CRYBG3: variants seen among roughly 807,000 people sequenced by gnomAD.
CRYBG3 encodes the protein crystallin beta-gamma domain containing 3.
In CRYBG3, 127 loss-of-function variants were observed where a neutral mutation model predicts 244.2. The observed-to-expected ratio is 0.52, with a 90% CI of 0.45 to 0.60. The LOEUF (loss-of-function observed/expected upper bound fraction) is 0.60, where lower values mean the gene tolerates loss of function less well. CRYBG3 is among the 20% of genes least tolerant of loss of function. The probability of loss-of-function intolerance (pLI) is 0.00; values close to 1 mark genes in which losing one functional copy is unlikely to be tolerated. For synonymous variants in CRYBG3, 1,132 were observed against 1,195.8 expected (o/e 0.95, Z 1.10); for missense variants, 3,325 against 3,442.5 (o/e 0.97, Z 0.85).
At chr3:97,924,672 C>G (rs780416368) in intron 17 of CRYBG3, among the ~76,000 whole-genome samples, 3 of 152,102 alleles carry the variant, frequency 2.0e-5, no homozygotes, top group South Asian at 2.1e-4. Context: ...CAAAGTGCAT[C>G]ACTCTAGTCT....
intron 2 of CRYBG3, among the ~76,000 whole-genome samples, chr3:97,857,681 A>G (rs1460740386): frequency 6.6e-6 from 1 of 151,834 alleles, no homozygotes. Context: ...GTCTTTTTCC[A>G]TCCATTTACT....
At chr3:97,921,637 ATGGTAATT>A (rs1486115927) in intron 17 of CRYBG3, among the ~76,000 whole-genome samples, 2 of 152,166 alleles carry the variant, frequency 1.3e-5, no homozygotes, top group Non-Finnish European at 2.9e-5. Flanking sequence ...AGTTGAAAAA[ATGGTAATT>A]TCCAGCTGCT....
At chr3:97,914,893 T>C (rs1391665) in intron 16 of CRYBG3, among the ~76,000 whole-genome samples, 67,477 of 151,986 alleles carry the variant, frequency 0.44, 16,201 homozygotes, top group East Asian at 0.67. Context: ...ACTAAATTAG[T>C]AACAGCCATT....
At chr3:97,934,712 G>A (rs946798124) in intron 18 of CRYBG3, among the ~76,000 whole-genome samples, 1 of 151,924 alleles carries the variant, frequency 6.6e-6, no homozygotes, top group Non-Finnish European at 1.5e-5. Flanking sequence ...AATAGCTTAA[G>A]TTTTCTTCTG....
chr3:97,832,430 C>A (rs2038667178), intron 1 of CRYBG3, among the ~76,000 whole-genome samples: 1 of 152,134 alleles, frequency 6.6e-6, no homozygotes, highest in South Asian at 2.1e-4. Context: ...CTACAACCAT[C>A]TGATCATTCA....
intron 2 of CRYBG3, among the ~76,000 whole-genome samples, chr3:97,846,582 A>G (rs75620099): frequency 0.02 from 3,093 of 152,190 alleles, 81 homozygotes; most frequent in African/African-American, 0.068. Context: ...TTAGTGGTGG[A>G]AAGTAGGGAG....
Position 97,872,067 on chromosome 3 carries a change from T to C in CRYBG3, c.873T>C (p.Ser291=). 7 of 1,535,840 alleles carry C rather than the reference T, an allele frequency of 4.6e-6. No homozygotes were observed. The highest frequency in any genetic ancestry group is 6.1e-6 in the Non-Finnish European group (7 of 1,146,756). The change falls in exon 4 of 22, where the codon TCT becomes TCC. Residue 291 remains serine, a synonymous_variant. Transcript: ENST00000389622. The part of the protein sequence containing the change: ...PLLLSASTDS[S]MKGNLLEGPL... ...TGTTATCAGCTAGTACAGACTCATC[T>C]ATGAAAGGAAATCTACTTGAAGGCC...
intron 12 of CRYBG3, among the ~76,000 whole-genome samples, chr3:97,898,371 G>T (rs1396362775): frequency 6.6e-6 from 1 of 152,030 alleles, no homozygotes; most frequent in Non-Finnish European, 1.5e-5. Context: ...GAGTCATAGA[G>T]ATTTTCTATC....
chr3:97,891,435 A>G (rs1272151378), intron 10 of CRYBG3, among the ~76,000 whole-genome samples: 1 of 152,160 alleles, frequency 6.6e-6, no homozygotes, highest in Non-Finnish European at 1.5e-5. Context: ...AATATCCAAC[A>G]TTGTGCTATA....
Position 97,864,463 on chromosome 3 carries a change from G to T in CRYBG3, c.463G>T (p.Asp155Tyr). 4 of 1,535,856 alleles carry T rather than the reference G, an allele frequency of 2.6e-6. No individual in the cohort carries two copies. Among genetic ancestry groups the T allele is most frequent in the Non-Finnish European group, 2.6e-6 (3 of 1,146,786 alleles). Residue 155 changes from aspartate to tyrosine, a missense_variant, in exon 3 of 22, where the codon GAT (aspartate) becomes TAT (tyrosine). Coordinates refer to ENST00000389622, the MANE Select transcript of CRYBG3 (RefSeq NM_153605.4). ...FKDDQDKTEKDLQNPSDHHED... is the reference protein window; with the variant it reads ...FKDDQDKTEKYLQNPSDHHED... ...AGATGACCAGGATAAAACTGAGAAG[G>T]ATTTACAAAATCCCAGTGACCATCA...
intron 15 of CRYBG3, among the ~76,000 whole-genome samples, chr3:97,908,805 T>G (rs765333754): frequency 1.3e-5 from 2 of 152,200 alleles, no homozygotes; most frequent in Admixed American, 6.5e-5. Context: ...GTTAGCTGGT[T>G]ATTTTGCTCA....
chr3:97,931,843 C>G (rs2040100836), intron 17 of CRYBG3, among the ~76,000 whole-genome samples: 1 of 151,982 alleles, frequency 6.6e-6, no homozygotes, highest in African/African-American at 2.4e-5. Context: ...TGTTTTAGGT[C>G]TGGGTCTATT....
intron 2 of CRYBG3, among the ~76,000 whole-genome samples, chr3:97,851,215 C>G (rs1351352624): frequency 6.6e-6 from 1 of 151,710 alleles, no homozygotes; most frequent in African/African-American, 2.4e-5. Flanking sequence ...GCATTTTTCT[C>G]AAAATTGTGA....
At chr3:97,894,852 T>C (rs377426033) in intron 11 of CRYBG3, among the ~76,000 whole-genome samples, 14 of 152,302 alleles carry the variant, frequency 9.2e-5, no homozygotes, top group African/African-American at 3.4e-4. Context: ...ATTACAGATA[T>C]ACTGAGATGT....
chr3:97,849,174 A>G (rs182029676), intron 2 of CRYBG3, among the ~76,000 whole-genome samples: 33 of 152,352 alleles, frequency 2.2e-4, no homozygotes, highest in Admixed American at 2.2e-3. Flanking sequence ...TAACTAAGAT[A>G]ACATGTTAAG....
chr3:97,935,100 T>C (rs968194342), intron 18 of CRYBG3, among the ~76,000 whole-genome samples: 1 of 152,056 alleles, frequency 6.6e-6, no homozygotes, highest in African/African-American at 2.4e-5. Context: ...TACTACTTAA[T>C]GTACAGCCAG....
chr3:97,873,552 G>A lies in CRYBG3; in HGVS notation c.2358G>A (p.Val786=). The stretch of plus-strand genomic sequence containing the variant: ...AAGACCCTAATAGAGTAGAGTTAGT[G>A]TCTTCAAACACTAAAGCAAATATGA... ...LSQDPNRVEL[V]SSNTKANMSI... The change falls in exon 4 of 22, where the codon GTG becomes GTA. Residue 786 remains valine, a synonymous_variant. Coordinates refer to ENST00000389622, the MANE Select transcript of CRYBG3 (RefSeq NM_153605.4). 2 of 1,535,446 alleles carry A rather than the reference G, an allele frequency of 1.3e-6. No homozygotes were observed. Among genetic ancestry groups the A allele is most frequent in the South Asian group, 2.4e-5 (2 of 84,036 alleles).
chr3:97,939,698 T>C (rs1266048871), intron 19 of CRYBG3, among the ~76,000 whole-genome samples: 1 of 152,092 alleles, frequency 6.6e-6, no homozygotes, highest in Non-Finnish European at 1.5e-5. Flanking sequence ...AATAAAGATA[T>C]ACTGAAGCCT....
chr3:97,886,565 G>A, intron 7 of CRYBG3, 66 bp from the exon 8 acceptor site: 1 of 1,309,408 alleles, frequency 7.6e-7, no homozygotes, highest in East Asian at 2.3e-5. Context: ...GTATGTCCAG[G>A]ACATTGAGAA....
Sources: gnomAD v4.1 joint callset for allele counts (sites outside exome capture counted in the v4.1 genomes callset) on GRCh38, gnomAD v4.1.1 for gene constraint, MANE v1.5 for transcripts, NCBI Gene and HGNC (gene_info 2026-07-23, HGNC 2026-07-21) for gene names.